The following ZFAT variants were observed in gnomAD, a reference collection of about 807,000 sequenced individuals.
ZFAT encodes the protein zinc finger and AT-hook domain containing.
In ZFAT, 64 loss-of-function variants were observed where a neutral mutation model predicts 117.7. The observed-to-expected ratio is 0.54, with a 90% CI of 0.44 to 0.67. The LOEUF is 0.67. Ranked by LOEUF, ZFAT falls within the 30% of genes least tolerant of loss-of-function variation. The pLI, the probability that ZFAT is intolerant of heterozygous loss-of-function variation, is 0.00. For missense variants in ZFAT, 1,433 were observed against 1,584.5 expected (o/e 0.90, Z 1.62); for synonymous variants, 679 against 615.0 (o/e 1.10, Z -1.54).
At chr8:134,483,438 T>G (rs1050937071) in intron 15 of ZFAT, among the ~76,000 whole-genome samples, 3 of 152,208 alleles carry the variant, frequency 2.0e-5, no homozygotes, top group South Asian at 2.1e-4. Context: ...TTGATATGAT[T>G]AAATTATCAC....
At chr8:134,566,774 C>T (rs1300638217) in intron 10 of ZFAT, among the ~76,000 whole-genome samples, 1 of 152,200 alleles carries the variant, frequency 6.6e-6, no homozygotes, top group Non-Finnish European at 1.5e-5. Flanking sequence ...GATGCCAAGC[C>T]AATGGCAGAT....
At chr8:134,612,817 C>T (rs1828439783) in intron 3 of ZFAT, among the ~76,000 whole-genome samples, 1 of 152,218 alleles carries the variant, frequency 6.6e-6, no homozygotes, top group African/African-American at 2.4e-5. Context: ...ACGTGTCCCT[C>T]CTTTGAAGAG....
chr8:134,756,926 G>A, the ZFAT span, among the ~76,000 whole-genome samples: 1 of 151,972 alleles, frequency 6.6e-6, no homozygotes, highest in Non-Finnish European at 1.5e-5. Context: ...AATGCTGTGA[G>A]TGGAGGCTTT....
At chr8:134,649,031 A>G (rs1400552370) in intron 2 of ZFAT, among the ~76,000 whole-genome samples, 1 of 152,106 alleles carries the variant, frequency 6.6e-6, no homozygotes, top group Non-Finnish European at 1.5e-5. Context: ...AAAAAAAACC[A>G]CATGGTCATC....
intron 11 of ZFAT, among the ~76,000 whole-genome samples, chr8:134,548,479 G>C: frequency 6.6e-6 from 1 of 152,198 alleles, no homozygotes; most frequent in East Asian, 1.9e-4. Flanking sequence ...AGGCAGAGCA[G>C]GTGCTTGTGG....
In ZFAT at chr8:134,565,501, G is replaced by C. The variant is rs1824383248; in HGVS notation, c.2888-80C>G. ...GAATGAAGTGCCAGGCATGGAGCCA[G>C]GTACACAAAGGTGTTCCTTGCCATG... On this transcript the variant is annotated intron_variant, in intron 10 of 15. Transcript: ENST00000377838. 4 of 1,292,422 alleles carry C rather than the reference G, an allele frequency of 3.1e-6. No individual in the cohort carries two copies. In the East Asian group the frequency reaches 9.2e-5, roughly 30 times the overall value. The allele number at this position is 1,292,422 out of a possible 1,614,324, so 80.1% of individuals were successfully genotyped here. A position where few individuals can be genotyped will look rare whatever the true frequency, so the allele number is the denominator to read the frequency against.
the ZFAT span, among the ~76,000 whole-genome samples, chr8:134,755,177 G>T: frequency 5.3e-5 from 8 of 151,666 alleles, no homozygotes; most frequent in Admixed American, 1.3e-4. Flanking sequence ...GCCGAGGCAG[G>T]CGGATTGCCT....
chr8:134,790,643 T>A, the ZFAT span, among the ~76,000 whole-genome samples: 2 of 152,214 alleles, frequency 1.3e-5, no homozygotes, highest in Non-Finnish European at 2.9e-5. Flanking sequence ...AATATATATG[T>A]ATATTGGATC....
At chr8:134,658,337 C>CAAAGAAAAAA (rs1831746012) in intron 1 of ZFAT, among the ~76,000 whole-genome samples, 1 of 117,964 alleles carries the variant, frequency 8.5e-6, no homozygotes, top group African/African-American at 3.5e-5. Flanking sequence ...ATTCTGTCTC[C>CAAAGAAAAAA]AAAAAAAAAA....
chr8:134,504,728 C>G (rs930226752), intron 15 of ZFAT, among the ~76,000 whole-genome samples: 1 of 152,222 alleles, frequency 6.6e-6, no homozygotes, highest in Non-Finnish European at 1.5e-5. Flanking sequence ...TCCAAGTGGG[C>G]AGAAGGGCGG....
At chr8:134,496,127 G>A (rs1296631353) in intron 15 of ZFAT, among the ~76,000 whole-genome samples, 1 of 152,214 alleles carries the variant, frequency 6.6e-6, no homozygotes, top group African/African-American at 2.4e-5. Flanking sequence ...AAGATTTATT[G>A]ACTCAGCCAC....
the ZFAT span, chr8:134,792,453 C>T: frequency 6.6e-6 from 1 of 152,162 alleles, no homozygotes; most frequent in South Asian, 2.1e-4. Flanking sequence ...TGTTACTCTT[C>T]CCTATCACAG....
intron 12 of ZFAT, among the ~76,000 whole-genome samples, chr8:134,525,355 G>A (rs2130505852): frequency 6.6e-6 from 1 of 152,290 alleles, no homozygotes; most frequent in East Asian, 1.9e-4. Context: ...CCACTAAGAT[G>A]CTTATACTTA....
chr8:134,693,380 G>A (rs559448032), intron 1 of ZFAT, among the ~76,000 whole-genome samples: 2 of 152,126 alleles, frequency 1.3e-5, no homozygotes, highest in Non-Finnish European at 2.9e-5. Context: ...ATTAAACAAT[G>A]AGAAAAGATT....
At chr8:134,775,914 T>C in the ZFAT span, among the ~76,000 whole-genome samples, 9 of 152,208 alleles carry the variant, frequency 5.9e-5, no homozygotes, top group Admixed American at 3.9e-4. Context: ...AGTATGCATG[T>C]TCAATATTCA....
At chr8:134,549,495 A>C (rs547235316) in intron 11 of ZFAT, among the ~76,000 whole-genome samples, 2 of 151,766 alleles carry the variant, frequency 1.3e-5, no homozygotes, top group Non-Finnish European at 2.9e-5. Context: ...TCATCCCCAG[A>C]GGCTGCTCAG....
intron 2 of ZFAT, among the ~76,000 whole-genome samples, chr8:134,640,525 C>G (rs1390510210): frequency 6.6e-6 from 1 of 152,178 alleles, no homozygotes; most frequent in East Asian, 1.9e-4. Context: ...ACTGGAGACT[C>G]CTCGAAGGCA....
At chr8:134,758,029 T>C in the ZFAT span, among the ~76,000 whole-genome samples, 12 of 152,234 alleles carry the variant, frequency 7.9e-5, no homozygotes, top group African/African-American at 2.7e-4. Context: ...CTCAACACCA[T>C]GTGATGACTA....
chr8:134,790,393 T>C, the ZFAT span, among the ~76,000 whole-genome samples: 14 of 152,312 alleles, frequency 9.2e-5, no homozygotes, highest in East Asian at 2.5e-3. Flanking sequence ...CTGCAGAACA[T>C]GCTAAGATCA....
Sources: gnomAD v4.1 joint callset for allele counts (sites outside exome capture counted in the v4.1 genomes callset) on GRCh38, gnomAD v4.1.1 for gene constraint, MANE v1.5 for transcripts, NCBI Gene and HGNC (gene_info 2026-07-23, HGNC 2026-07-21) for gene names.